ERAP1: variants seen among roughly 807,000 people sequenced by gnomAD.
The protein encoded by ERAP1 is adipocyte-derived leucine aminopeptidase.
A neutral mutation model predicts 103.7 loss-of-function variants in ERAP1; 86 were observed. The ratio of observed to expected loss-of-function variants is 0.83; its 90% confidence interval spans 0.70 to 0.99. The LOEUF is 0.99. ERAP1 is among the 50% of genes least tolerant of loss of function. ERAP1 has a pLI of 0.00. For synonymous variants in ERAP1, 398 were observed against 402.4 expected (o/e 0.99, Z 0.13); for missense variants, 1,009 against 1,128.4 (o/e 0.89, Z 1.52).
chr5:96,885,296 A>G, the ERAP1 span, among the ~76,000 whole-genome samples: 1 of 152,162 alleles, frequency 6.6e-6, no homozygotes, highest in African/African-American at 2.4e-5. Context: ...AGCCCCTACC[A>G]TAAGACAGCA....
the ERAP1 span, chr5:96,883,776 G>T: frequency 5.0e-6 from 8 of 1,606,426 alleles, no homozygotes; most frequent in South Asian, 4.5e-5. Context: ...TTGGCTGGGG[G>T]TGGGTCTTTT....
intron 12 of ERAP1, 22 bp from the exon 13 acceptor site, chr5:96,785,993 A>C (rs1457156602): frequency 1.2e-6 from 2 of 1,611,878 alleles, no homozygotes; most frequent in Non-Finnish European, 1.7e-6. Flanking sequence ...AAAATAAATC[A>C]AAGTTCCATT....
chr5:96,797,841 A>G (rs1036270090), intron 3 of ERAP1, among the ~76,000 whole-genome samples: 5 of 152,220 alleles, frequency 3.3e-5, no homozygotes, highest in Non-Finnish European at 7.4e-5. Context: ...GCATATGTGG[A>G]TTGATAACAC....
intron 19 of ERAP1, among the ~76,000 whole-genome samples, chr5:96,764,414 T>C (rs1439822184): frequency 1.3e-5 from 2 of 152,190 alleles, no homozygotes; most frequent in East Asian, 1.9e-4. Flanking sequence ...GTTACAGTGA[T>C]ATTGTTGTCC....
chr5:96,810,144 G>A (rs553856143), upstream of ERAP1, among the ~76,000 whole-genome samples: 30 of 152,308 alleles, frequency 2.0e-4, no homozygotes, highest in Admixed American at 9.8e-4. Context: ...CCGTGATTTC[G>A]TCTTTAGAGT....
chr5:96,783,858 C>CAT, intron 14 of ERAP1, 66 bp downstream of exon 14: 1 of 1,146,152 alleles, frequency 8.7e-7, no homozygotes, highest in East Asian at 2.7e-5. Flanking sequence ...CACACACATA[C>CAT]ACACACAATG....
the ERAP1 span, chr5:96,884,031 T>C: frequency 9.7e-7 from 1 of 1,034,198 alleles, no homozygotes; most frequent in Admixed American, 3.0e-5. Flanking sequence ...CATTAATTTG[T>C]TTTTATCTAT....
Position 96,783,191 on chromosome 5 carries a change from T to C in ERAP1, c.2145A>G (p.Thr715=). ...RLLRDLIDKQ[T]WTDEGSVSER... The stretch of plus-strand genomic sequence containing the variant: ...CTGAGACTGAGCCCTCGTCTGTCCA[T>C]GTCTGCTTATCAATGAGGTCCCTTA... Residue 715 remains threonine (T), a synonymous_variant, in exon 15 of 19, where the codon ACA becomes ACG. Coordinates refer to ENST00000443439, the MANE Select transcript of ERAP1 (RefSeq NM_001040458.3). 6.2e-7 allele frequency: 1 copy of C among 1,613,708 alleles called. No individual in the cohort carries two copies. Among genetic ancestry groups the C allele is most frequent in the East Asian group, 2.2e-5 (1 of 44,872 alleles).
At chr5:96,874,905 G>T in the ERAP1 span, among the ~76,000 whole-genome samples, 3 of 152,210 alleles carry the variant, frequency 2.0e-5, no homozygotes, top group African/African-American at 7.2e-5. Flanking sequence ...CTTGACAATA[G>T]AAATTGTATG....
the ERAP1 span, among the ~76,000 whole-genome samples, chr5:96,841,147 T>A: frequency 0.69 from 105,685 of 152,134 alleles, 38,256 homozygotes; most frequent in Non-Finnish European, 0.8. Context: ...GTCTCCTAAT[T>A]TTCTACTTGC....
At chr5:96,860,822 A>T in the ERAP1 span, among the ~76,000 whole-genome samples, 1 of 152,226 alleles carries the variant, frequency 6.6e-6, no homozygotes, top group Non-Finnish European at 1.5e-5. Flanking sequence ...CAAAGAAATC[A>T]GACTCAAATT....
chr5:96,918,902 A>G, the ERAP1 span: 1 of 152,178 alleles, frequency 6.6e-6, no homozygotes, highest in Non-Finnish European at 1.5e-5. Flanking sequence ...CCTTCTTTTA[A>G]GGGCGCTTCT....
chr5:96,916,760 CCTAT>C, the ERAP1 span, among the ~76,000 whole-genome samples: 1 of 120,874 alleles, frequency 8.3e-6, no homozygotes, highest in African/African-American at 3.0e-5. Context: ...GAGCCACCAG[CCTAT>C]CTTTTTTTTT....
intron 13 of ERAP1, chr5:96,785,423 T>C: frequency 3.0e-6 from 1 of 335,158 alleles, no homozygotes; most frequent in Middle Eastern, 1.1e-3. Flanking sequence ...AAAGACCCAG[T>C]GGTGGGAGAA....
At chr5:96,931,542 G>A in the ERAP1 span, among the ~76,000 whole-genome samples, 1 of 152,166 alleles carries the variant, frequency 6.6e-6, no homozygotes, top group Non-Finnish European at 1.5e-5. Flanking sequence ...TGCTCGGTGA[G>A]GGTGCATGAA....
the ERAP1 span, among the ~76,000 whole-genome samples, chr5:96,899,388 C>G: frequency 6.6e-6 from 1 of 152,186 alleles, no homozygotes; most frequent in South Asian, 2.1e-4. Flanking sequence ...CTGAAAATAT[C>G]TTGCCCACCA....
chr5:96,896,127 G>GT, the ERAP1 span, among the ~76,000 whole-genome samples: 1 of 152,018 alleles, frequency 6.6e-6, no homozygotes, highest in African/African-American at 2.4e-5. Context: ...TCAAGGGCTG[G>GT]TACATGATAA....
the ERAP1 span, among the ~76,000 whole-genome samples, chr5:96,884,595 T>C: frequency 1.3e-5 from 2 of 152,200 alleles, no homozygotes; most frequent in African/African-American, 4.8e-5. Flanking sequence ...TCTCTCTCTG[T>C]TGCCCAGGTT....
At chr5:96,833,975 T>C in the ERAP1 span, among the ~76,000 whole-genome samples, 257 of 152,314 alleles carry the variant, frequency 1.7e-3, no homozygotes, top group African/African-American at 5.9e-3. Context: ...CCATTGCTGA[T>C]TGTACCAAAA....
Sources: gnomAD v4.1 joint callset for allele counts (sites outside exome capture counted in the v4.1 genomes callset) on GRCh38, gnomAD v4.1.1 for gene constraint, MANE v1.5 for transcripts, NCBI Gene and HGNC (gene_info 2026-07-23, HGNC 2026-07-21) for gene names.